Variants in GOSR1 observed in about 807,000 individuals in gnomAD.
GOSR1 encodes the protein golgi SNAP receptor complex member 1.
A neutral mutation model predicts 35.5 loss-of-function variants in GOSR1; 21 were observed. That is an observed-to-expected ratio of 0.59 (90% confidence interval 0.42 to 0.85). GOSR1 has a LOEUF of 0.85. GOSR1 is among the 40% of genes least tolerant of loss of function. The pLI, the probability that GOSR1 is intolerant of heterozygous loss-of-function variation, is 0.00. For missense variants in GOSR1, 285 were observed against 309.6 expected, an observed-to-expected ratio of 0.92 and a Z score of 0.60; for synonymous variants, 94 against 106.6, an observed-to-expected ratio of 0.88 and a Z score of 0.73.
At chr17:30,511,849 T>C (rs1158234802) in intron 7 of GOSR1, among the ~76,000 whole-genome samples, 1 of 152,200 alleles carries the variant, frequency 6.6e-6, no homozygotes, top group East Asian at 1.9e-4. Context: ...ATTCTTACCA[T>C]GGATATTGGA....
At chr17:30,499,831 T>C (rs1967139828) in intron 6 of GOSR1, among the ~76,000 whole-genome samples, 1 of 152,242 alleles carries the variant, frequency 6.6e-6, no homozygotes, top group Non-Finnish European at 1.5e-5. Context: ...GTAACCATTT[T>C]AGTAGAAGTG....
At chr17:30,485,164 T>G (rs1342518321) in intron 4 of GOSR1, 4 of 266,572 alleles carry the variant, frequency 1.5e-5, no homozygotes, top group Non-Finnish European at 3.0e-5. Flanking sequence ...ACTTAGTATA[T>G]TGTTTAAGAA....
intron 4 of GOSR1, among the ~76,000 whole-genome samples, chr17:30,489,004 T>C (rs529420622): frequency 6.6e-5 from 10 of 152,064 alleles, no homozygotes; most frequent in Non-Finnish European, 1.3e-4. Flanking sequence ...CTTTATGAAG[T>C]ACAAAAAGCA....
In GOSR1 at chr17:30,514,755, T is replaced by C. The variant is rs1460801163; in HGVS notation, c.539+3846T>C. On this transcript the variant is annotated intron_variant, in intron 7 of 8. Coordinates refer to ENST00000451249, the MANE Select transcript of GOSR1 (RefSeq NM_001007025.2). The stretch of plus-strand genomic sequence containing the variant: ...TAAAAAGGTTATGTGTTGGGCCTTC[T>C]GAATTGATCCTTTCTTACCTTCTCT... Among the ~76,000 whole-genome samples, 3 of 152,236 alleles carry C rather than the reference T, an allele frequency of 2.0e-5. No homozygotes were observed. In the East Asian group the frequency reaches 5.8e-4, roughly 29 times the overall value.
intron 7 of GOSR1, among the ~76,000 whole-genome samples, chr17:30,516,222 G>A (rs570452188): frequency 2.0e-5 from 3 of 152,278 alleles, no homozygotes; most frequent in African/African-American, 7.2e-5. Context: ...TGTAATCCCA[G>A]CACTTTGGGA....
chr17:30,520,080 G>T, intron 8 of GOSR1, 59 bp downstream of exon 8: 1 of 1,096,818 alleles, frequency 9.1e-7, no homozygotes, highest in Admixed American at 1.7e-5. Flanking sequence ...AAGTGTCTGT[G>T]TGTGCTTTTA....
rs769626370 is a variant in GOSR1 at position 30,522,245 on chromosome 17, T to G, written c.623-9T>G. The G allele has an allele frequency of 1.8e-5, 29 of 1,590,912 alleles. No homozygotes were observed. Among genetic ancestry groups the G allele is most frequent in the Non-Finnish European group, 2.3e-5 (27 of 1,170,460 alleles). On this transcript the variant is annotated splice_polypyrimidine_tract_variant and intron_variant, in intron 8 of 8. Transcript: ENST00000451249. ...TTCCAAATATGACCTTAATAAAGAT[T>G]TCCCAAAGATCGTTTTCCTGCTGTA...
At chr17:30,519,032 C>T (rs907894151) in intron 7 of GOSR1, among the ~76,000 whole-genome samples, 1 of 149,472 alleles carries the variant, frequency 6.7e-6, no homozygotes, top group African/African-American at 2.5e-5. Flanking sequence ...AGATTGTGTT[C>T]GACCAAAAGT....
intron 1 of GOSR1, chr17:30,479,581 C>T (rs532048712): frequency 3.1e-4 from 48 of 152,398 alleles, no homozygotes; most frequent in African/African-American, 1.0e-3. Context: ...TCACTGCAAA[C>T]TCTGCCTTCC....
chr17:30,516,029 G>T (rs1376338396), intron 7 of GOSR1, among the ~76,000 whole-genome samples: 1 of 152,160 alleles, frequency 6.6e-6, no homozygotes, highest in East Asian at 1.9e-4. Flanking sequence ...TGTTAATTGT[G>T]TGTGTAGCTT....
At chr17:30,491,982 G>A (rs545223478) in intron 5 of GOSR1, among the ~76,000 whole-genome samples, 11 of 151,924 alleles carry the variant, frequency 7.2e-5, no homozygotes, top group Non-Finnish European at 1.5e-4. Context: ...CTGCCTTTCA[G>A]CCAGTATTTC....
chr17:30,490,287 AT>A (rs1193623954), intron 5 of GOSR1, 70 bp downstream of exon 5: 3 of 729,900 alleles, frequency 4.1e-6, no homozygotes, highest in Admixed American at 2.1e-5. Context: ...TTCACGGTTA[AT>A]TGCAAATTGA....
At chr17:30,495,781 T>G (rs780475026) in intron 6 of GOSR1, among the ~76,000 whole-genome samples, 1 of 152,258 alleles carries the variant, frequency 6.6e-6, no homozygotes, top group Non-Finnish European at 1.5e-5. Flanking sequence ...CTTCCTGCTG[T>G]ACCCTGGCAA....
At chr17:30,488,382 T>C (rs1330536912) in intron 4 of GOSR1, among the ~76,000 whole-genome samples, 1 of 151,696 alleles carries the variant, frequency 6.6e-6, no homozygotes, top group East Asian at 1.9e-4. Flanking sequence ...GCCAGGATGG[T>C]CTCCATCTCC....
chr17:30,490,402 C>T, intron 5 of GOSR1, 185 bp downstream of exon 5: 1 of 448,004 alleles, frequency 2.2e-6, no homozygotes, highest in Admixed American at 3.5e-5. Context: ...CCATTTTTAT[C>T]TCATGCTTCC....
chr17:30,496,793 T>C (rs1967023205), intron 6 of GOSR1, among the ~76,000 whole-genome samples: 1 of 152,098 alleles, frequency 6.6e-6, no homozygotes, highest in African/African-American at 2.4e-5. Flanking sequence ...GATTAGAGAG[T>C]TGAAGAAAGA....
chr17:30,521,516 C>T (rs1968032134), intron 8 of GOSR1, among the ~76,000 whole-genome samples: 1 of 151,198 alleles, frequency 6.6e-6, no homozygotes. Context: ...AAGTAGTATA[C>T]TGGAACCTAG....
rs3764908 is a variant in GOSR1, at chr17:30,519,883, G to T, written c.540-56G>T. On this transcript the variant is annotated intron_variant, in intron 7 of 8. Coordinates refer to ENST00000451249, the MANE Select transcript of GOSR1 (RefSeq NM_001007025.2). ...TTTCTTTCACTTTTAAAGGCATGAT[G>T]GTTCCAGGCAGGATAATCTTAAATG... 1.8e-3 allele frequency: 1,838 copies of T among 1,036,660 alleles called. 86 individuals carry two copies. The East Asian group carries it at 0.044, about 25-fold the overall frequency. 64.2% of individuals were successfully genotyped at this position (1,036,660 alleles called of 1,614,324 possible).
At chr17:30,521,570 A>G (rs1343482098) in intron 8 of GOSR1, among the ~76,000 whole-genome samples, 1 of 148,406 alleles carries the variant, frequency 6.7e-6, no homozygotes, top group Non-Finnish European at 1.5e-5. Context: ...TTTTACAATT[A>G]CTCCAAAAGA....
Sources: allele counts gnomAD v4.1 joint callset (sites outside exome capture counted in the v4.1 genomes callset), GRCh38; gene constraint gnomAD v4.1.1; transcripts MANE v1.5; gene names NCBI Gene and HGNC (gene_info 2026-07-23, HGNC 2026-07-21).